HECW2: variants seen among roughly 807,000 people sequenced by gnomAD.
The protein encoded by HECW2 is HECT, C2 and WW domain containing E3 ubiquitin protein ligase 2.
Under a neutral mutation model 175.2 loss-of-function variants are expected in HECW2, and 61 were observed. That is an observed-to-expected ratio of 0.35 (90% confidence interval 0.28 to 0.43). HECW2 has a LOEUF of 0.43. Among genes scored for constraint, HECW2 ranks in the 20% least tolerant of loss-of-function variants. The pLI is 1.00. For synonymous variants in HECW2, 671 were observed against 731.0 expected (o/e 0.92, Z 1.32); for missense variants, 1,524 against 2,000.5 (o/e 0.76, Z 4.54).
chr2:196,401,491 T>C (rs1417935247), intron 2 of HECW2, among the ~76,000 whole-genome samples: 3 of 152,242 alleles, frequency 2.0e-5, no homozygotes, highest in Non-Finnish European at 4.4e-5. Context: ...TAGTATTATT[T>C]GAAATTTTAT....
intron 1 of HECW2, among the ~76,000 whole-genome samples, chr2:196,488,586 A>G (rs1357122634): frequency 6.6e-6 from 1 of 151,990 alleles, no homozygotes; most frequent in African/African-American, 2.4e-5. Context: ...ACATTTCAAA[A>G]CAACATATAC....
intron 1 of HECW2, among the ~76,000 whole-genome samples, chr2:196,558,803 C>T (rs1227165444): frequency 6.6e-6 from 1 of 152,176 alleles, no homozygotes; most frequent in African/African-American, 2.4e-5. Context: ...CAAAGAATCA[C>T]TTGAAAATAC....
rs1449529639 is a variant in HECW2 at position 196,521,267 on chromosome 2, A to G, written c.-36+72241T>C. On this transcript the variant is annotated intron_variant, in intron 1 of 28. Transcript: ENST00000644978. ...GTCTTTCTTGTATTTCATCCTCACT[A>G]GGAAACGTGAGTAACAAAAAAAAAA... 3.6e-5 allele frequency among the ~76,000 whole-genome samples: 5 copies of G among 140,704 alleles called. No homozygotes were observed. The East Asian group carries it at 1.1e-3, about 30-fold the overall frequency. 92.3% of individuals were successfully genotyped at this position (140,704 alleles called of 152,430 possible). A position where few individuals can be genotyped will look rare whatever the true frequency, so the allele number is the denominator to read the frequency against.
intron 4 of HECW2, among the ~76,000 whole-genome samples, chr2:196,330,035 C>A (rs531985435): frequency 1.3e-5 from 2 of 152,030 alleles, no homozygotes; most frequent in African/African-American, 4.8e-5. Context: ...CTAGAATAAA[C>A]GAAACAATTG....
At chr2:196,426,191 A>C (rs1437640371) in intron 2 of HECW2, among the ~76,000 whole-genome samples, 1 of 152,198 alleles carries the variant, frequency 6.6e-6, no homozygotes, top group Non-Finnish European at 1.5e-5. Flanking sequence ...CTTAATATTT[A>C]GATTACAGTA....
At chr2:196,576,083 C>T (rs751915705) in intron 1 of HECW2, among the ~76,000 whole-genome samples, 1 of 152,146 alleles carries the variant, frequency 6.6e-6, no homozygotes, top group Non-Finnish European at 1.5e-5. Flanking sequence ...CATATTTTTA[C>T]TATACCTTTT....
At chr2:196,490,798 A>C (rs1687159879) in intron 1 of HECW2, among the ~76,000 whole-genome samples, 1 of 152,240 alleles carries the variant, frequency 6.6e-6, no homozygotes, top group East Asian at 1.9e-4. Flanking sequence ...GTAGTGATAC[A>C]TGCCACAACA....
chr2:196,375,169 A>AT (rs1694017469), intron 2 of HECW2, among the ~76,000 whole-genome samples: 1 of 144,446 alleles, frequency 6.9e-6, no homozygotes, highest in African/African-American at 2.9e-5. Flanking sequence ...AAAAAAAAAA[A>AT]AGAAAGAAAA....
chr2:196,394,180 T>G (rs1427366061), intron 2 of HECW2, among the ~76,000 whole-genome samples: 1 of 151,890 alleles, frequency 6.6e-6, no homozygotes, highest in Non-Finnish European at 1.5e-5. Flanking sequence ...AGGGATAGCA[T>G]TAGGAGATAT....
At chr2:196,439,184 A>G (rs931256215) in intron 1 of HECW2, among the ~76,000 whole-genome samples, 2 of 152,190 alleles carry the variant, frequency 1.3e-5, no homozygotes, top group African/African-American at 4.8e-5. Flanking sequence ...GTTCAATAAA[A>G]AGTAGCCATG....
intron 28 of HECW2, among the ~76,000 whole-genome samples, chr2:196,203,681 T>C (rs1195321849): frequency 6.6e-6 from 1 of 152,234 alleles, no homozygotes; most frequent in Non-Finnish European, 1.5e-5. Context: ...CTTGCCCGAT[T>C]AACTTTTCAG....
chr2:196,306,010 T>C (rs1466029189), intron 13 of HECW2, among the ~76,000 whole-genome samples: 1 of 152,134 alleles, frequency 6.6e-6, no homozygotes, highest in East Asian at 1.9e-4. Context: ...AGTTCATATG[T>C]TGAAACCTAA....
chr2:196,463,029 T>C (rs887818583), intron 1 of HECW2, among the ~76,000 whole-genome samples: 12 of 152,128 alleles, frequency 7.9e-5, no homozygotes, highest in African/African-American at 2.9e-4. Flanking sequence ...TTCTGAGTCT[T>C]GGTAGAAATT....
At chr2:196,281,788 T>C (rs994628740) in intron 14 of HECW2, among the ~76,000 whole-genome samples, 2 of 151,294 alleles carry the variant, frequency 1.3e-5, no homozygotes, top group African/African-American at 4.9e-5. Flanking sequence ...AGTTTAAAAA[T>C]TGAGAAGTGG....
intron 9 of HECW2, among the ~76,000 whole-genome samples, chr2:196,317,583 G>T (rs182429294): frequency 6.6e-6 from 1 of 151,922 alleles, no homozygotes. Flanking sequence ...TGTATCCCCC[G>T]CTCCTGCAGC....
At chr2:196,215,440 G>A (rs1323397590) in intron 28 of HECW2, among the ~76,000 whole-genome samples, 1 of 152,146 alleles carries the variant, frequency 6.6e-6, no homozygotes, top group Non-Finnish European at 1.5e-5. Flanking sequence ...AGACATGTAC[G>A]AGACAGGCTA....
At chr2:196,218,148 C>A (rs1030974237) in intron 26 of HECW2, 4 of 152,254 alleles carry the variant, frequency 2.6e-5, no homozygotes, top group Non-Finnish European at 5.9e-5. Flanking sequence ...AAAAGAAGTG[C>A]ACTGGCTCTT....
intron 15 of HECW2, among the ~76,000 whole-genome samples, 173 bp downstream of exon 15, chr2:196,278,355 T>A (rs1690056270): frequency 6.7e-6 from 1 of 149,234 alleles, no homozygotes. Flanking sequence ...ATTTAGGCTG[T>A]ATGTATTTCC....
At chr2:196,415,910 T>C (rs1396288729) in intron 2 of HECW2, among the ~76,000 whole-genome samples, 5 of 152,226 alleles carry the variant, frequency 3.3e-5, no homozygotes, top group Admixed American at 3.3e-4. Flanking sequence ...AAAGGTTTAG[T>C]AATATGACTT....
Sources: gnomAD v4.1 joint callset for allele counts (sites outside exome capture counted in the v4.1 genomes callset) on GRCh38, gnomAD v4.1.1 for gene constraint, MANE v1.5 for transcripts, NCBI Gene and HGNC (gene_info 2026-07-23, HGNC 2026-07-21) for gene names.